Variants in STXBP5 observed in about 807,000 individuals in gnomAD.
STXBP5 encodes syntaxin-binding protein 5.
In STXBP5, 50 loss-of-function variants were observed where a neutral mutation model predicts 152.4. That is an observed-to-expected ratio of 0.33 (90% confidence interval 0.26 to 0.42). The LOEUF is 0.42. Ranked by LOEUF, STXBP5 falls within the 10% of genes least tolerant of loss-of-function variation. The pLI, the probability that STXBP5 is intolerant of heterozygous loss-of-function variation, is 1.00. For missense variants in STXBP5, 1,167 were observed against 1,388.6 expected (o/e 0.84, Z 2.54); for synonymous variants, 492 against 494.7 (o/e 0.99, Z 0.07).
At chr6:147,247,726 C>G (rs557143063) in intron 4 of STXBP5, among the ~76,000 whole-genome samples, 1 of 151,984 alleles carries the variant, frequency 6.6e-6, no homozygotes, top group South Asian at 2.1e-4. Flanking sequence ...CCTTGTTTAA[C>G]GTGTGCAGTT....
intron 8 of STXBP5, among the ~76,000 whole-genome samples, chr6:147,287,443 C>T (rs1562463409): frequency 2.0e-5 from 3 of 151,832 alleles, no homozygotes; most frequent in Admixed American, 6.6e-5. Flanking sequence ...ACCTCGTGAT[C>T]CGCCCGCCTC....
chr6:147,222,633 GGTTAGGCTCTCGTAAAAGTGTTATTTC>G (rs1199955504), intron 2 of STXBP5, among the ~76,000 whole-genome samples: 1 of 152,192 alleles, frequency 6.6e-6, no homozygotes, highest in African/African-American at 2.4e-5. Context: ...AACCCCAGCA[GGTTAGGCTCTCGTAAAAGTGTTATTTC>G]TGAAGGCAGT....
chr6:147,335,092 G>A (rs1057164449), intron 19 of STXBP5, among the ~76,000 whole-genome samples: 8 of 152,016 alleles, frequency 5.3e-5, no homozygotes, highest in Admixed American at 1.3e-4. Context: ...CTAACTAGTC[G>A]ATTATTTCTT....
intron 21 of STXBP5, among the ~76,000 whole-genome samples, chr6:147,344,787 A>C (rs186001399): frequency 2.6e-5 from 3 of 117,230 alleles, no homozygotes; most frequent in Non-Finnish European, 5.8e-5. Context: ...CAAGGATACA[A>C]TTCATTCCGT....
intron 4 of STXBP5, among the ~76,000 whole-genome samples, chr6:147,256,209 T>G (rs1195027376): frequency 6.6e-6 from 1 of 152,196 alleles, no homozygotes; most frequent in Non-Finnish European, 1.5e-5. Context: ...CTGCTGCTGC[T>G]CCATAAGTGT....
At chr6:147,341,887 T>A (rs1582970123) in intron 21 of STXBP5, among the ~76,000 whole-genome samples, 1 of 152,192 alleles carries the variant, frequency 6.6e-6, no homozygotes, top group East Asian at 1.9e-4. Flanking sequence ...ATAAATAATT[T>A]TTCTCAATCC....
chr6:147,256,052 T>C (rs1056615549), intron 4 of STXBP5, among the ~76,000 whole-genome samples: 4 of 152,186 alleles, frequency 2.6e-5, no homozygotes, highest in African/African-American at 9.7e-5. Flanking sequence ...TTTAAAAGAA[T>C]GTTTGGAAGG....
rs535570267 is a variant in STXBP5, at chr6:147,384,863, T to G, written c.*108T>G. On this transcript the variant is annotated 3_prime_UTR_variant, in exon 28 of 28. Coordinates refer to ENST00000321680, the MANE Select transcript of STXBP5 (RefSeq NM_001127715.4). ...TAAAGGGATGTTCGTCACTGAATACTGTTCTTTCCTAGCACAGTCATGCAC... is the reference window on the plus strand; with the variant it reads ...TAAAGGGATGTTCGTCACTGAATACGGTTCTTTCCTAGCACAGTCATGCAC... 1 of 1,127,790 alleles carries G rather than the reference T, an allele frequency of 8.9e-7. No homozygotes were observed. The highest frequency in any genetic ancestry group is 1.3e-6 in the Non-Finnish European group (1 of 758,392). The allele number at this position is 1,127,790 out of a possible 1,614,324, so 69.9% of individuals were successfully genotyped here. A position where few individuals can be genotyped will look rare whatever the true frequency, so the allele number is the denominator to read the frequency against.
rs1054191739 is a variant in STXBP5 at position 147,363,489 on chromosome 6, A to C, written c.2700A>C (p.Ser900=). 6.2e-7 allele frequency: 1 copy of C among 1,614,172 alleles called. No homozygotes were observed. Among genetic ancestry groups the C allele is most frequent in the East Asian group, 2.2e-5 (1 of 44,854 alleles). ...KEKLKKRRPV[S]VSPSSSQEIS... is the part of the protein sequence containing the mutation. ...AATTGAAAAAACGGCGGCCTGTCTC[A>C]GTATCCCCCTCCTCTTCTCAGGAAA... The change falls in exon 24 of 28, where the codon TCA becomes TCC. Residue 900 remains serine (S), a synonymous_variant. Transcript: ENST00000321680.
chr6:147,238,679 G>A (rs1021834138), intron 3 of STXBP5, among the ~76,000 whole-genome samples: 1 of 152,118 alleles, frequency 6.6e-6, no homozygotes, highest in African/African-American at 2.4e-5. Context: ...AGACATGGAG[G>A]TTACAGTGTG....
chr6:147,274,017 A>G (rs1021956550), intron 7 of STXBP5, among the ~76,000 whole-genome samples: 1 of 152,020 alleles, frequency 6.6e-6, no homozygotes. Flanking sequence ...ACAGCTTTAA[A>G]TGAATTTTTT....
At chr6:147,356,129 G>A (rs905651812) in intron 22 of STXBP5, among the ~76,000 whole-genome samples, 2 of 151,918 alleles carry the variant, frequency 1.3e-5, no homozygotes, top group African/African-American at 2.4e-5. Context: ...GCAATTTTAG[G>A]TTGTGCATTT....
chr6:147,301,480 C>T lies in STXBP5; in HGVS notation c.918-8604C>T, dbSNP rs114373561. On this transcript the variant is annotated intron_variant, in intron 9 of 27. Transcript: ENST00000321680. ...TGGACTTTTACAATTTGAAGTGCCT[C>T]ATCAGTTAACCTTACCCTTTTTCAT... 8.1e-3 allele frequency among the ~76,000 whole-genome samples: 1,238 copies of T among 152,234 alleles called. 20 individuals carry two copies. Among genetic ancestry groups the T allele is most frequent in the African/African-American group, 0.029 (1,188 of 41,546 alleles).
At chr6:147,267,639 G>C (rs1779956884) in intron 7 of STXBP5, among the ~76,000 whole-genome samples, 1 of 151,868 alleles carries the variant, frequency 6.6e-6, no homozygotes, top group African/African-American at 2.4e-5. Flanking sequence ...CCAGATGCTG[G>C]CTTTTTCTGG....
At chr6:147,281,691 A>G (rs756202295) in intron 8 of STXBP5, among the ~76,000 whole-genome samples, 2 of 152,238 alleles carry the variant, frequency 1.3e-5, no homozygotes, top group Non-Finnish European at 2.9e-5. Context: ...TTGATTGCCA[A>G]GAACTGATTA....
intron 4 of STXBP5, among the ~76,000 whole-genome samples, chr6:147,250,504 G>A (rs1381649800): frequency 6.6e-6 from 1 of 152,124 alleles, no homozygotes; most frequent in Non-Finnish European, 1.5e-5. Flanking sequence ...GATTTGTGTA[G>A]GTTATATGCA....
chr6:147,382,590 A>G (rs1310916415), intron 26 of STXBP5, among the ~76,000 whole-genome samples, 188 bp from the exon 27 acceptor site: 2 of 152,122 alleles, frequency 1.3e-5, no homozygotes, highest in African/African-American at 4.8e-5. Flanking sequence ...TGCATGTTTG[A>G]AAAAGTATCT....
At chr6:147,315,385 A>G (rs1782591143) in intron 14 of STXBP5, 130 bp from the exon 15 acceptor site, 1 of 605,748 alleles carries the variant, frequency 1.7e-6, no homozygotes, top group African/African-American at 1.8e-5. Flanking sequence ...AGACTAACGT[A>G]AATTGAGAAA....
chr6:147,214,390 CT>C (rs909825012), intron 2 of STXBP5, among the ~76,000 whole-genome samples: 1 of 151,756 alleles, frequency 6.6e-6, no homozygotes, highest in African/African-American at 2.4e-5. Flanking sequence ...TATCTTTTTT[CT>C]TTTGGCCATG....
Sources: allele counts gnomAD v4.1 joint callset (sites outside exome capture counted in the v4.1 genomes callset), GRCh38; gene constraint gnomAD v4.1.1; transcripts MANE v1.5; gene names NCBI Gene and HGNC (gene_info 2026-07-23, HGNC 2026-07-21).